The following SRFBP1 variants were observed in gnomAD, a reference collection of about 807,000 sequenced individuals.
The protein encoded by SRFBP1 is serum response factor binding protein 1, also known as serum response factor-binding protein 1.
SRFBP1 carries 47 observed loss-of-function variants against 45.5 expected under a neutral mutation model. That is an observed-to-expected ratio of 1.03 (90% CI 0.82 to 1.32). The LOEUF (loss-of-function observed/expected upper bound fraction) is 1.32. Among genes scored for constraint, SRFBP1 ranks in the 40% most tolerant of loss-of-function variants. SRFBP1 has a pLI of 0.00. For synonymous variants in SRFBP1, 203 were observed against 166.3 expected, an observed-to-expected ratio of 1.22 and a Z score of -1.70; for missense variants, 621 against 484.6, an observed-to-expected ratio of 1.28 and a Z score of -2.64.
At chr5:122,076,416 G>C (rs1386886592), downstream of SRFBP1, among the ~76,000 whole-genome samples, 2 of 152,168 alleles carry the variant, frequency 1.3e-5, no homozygotes, top group Non-Finnish European at 2.9e-5. Flanking sequence ...TCTGGCTGAA[G>C]TAATACCAAA....
At chr5:121,968,671 G>T (rs1405096831) in intron 1 of SRFBP1, among the ~76,000 whole-genome samples, 12 of 152,054 alleles carry the variant, frequency 7.9e-5, no homozygotes, top group Admixed American at 7.2e-4. Flanking sequence ...TGTGTCTTCT[G>T]AATAGATTCC....
chr5:122,045,039 G>C (rs1753833998), intron 2 of SRFBP1, among the ~76,000 whole-genome samples: 1 of 152,102 alleles, frequency 6.6e-6, no homozygotes, highest in Admixed American at 6.5e-5. Context: ...TTTTGTATCT[G>C]GTGTAAGGTA....
At chr5:121,966,761 T>A (rs776360546) in intron 1 of SRFBP1, among the ~76,000 whole-genome samples, 27 of 150,582 alleles carry the variant, frequency 1.8e-4, no homozygotes, top group Admixed American at 3.9e-4. Flanking sequence ...ACTGACATTT[T>A]ATTTTTTTTT....
intron 2 of SRFBP1, chr5:122,063,705 A>C (rs1754226691): frequency 6.6e-6 from 1 of 151,950 alleles, no homozygotes; most frequent in Non-Finnish European, 1.5e-5. Context: ...ATCAAAACAC[A>C]TTATTTTTAA....
Position 122,027,210 on chromosome 5 carries a change from G to T in SRFBP1, c.*84G>T. On this transcript the variant is annotated 3_prime_UTR_variant, in exon 8 of 8. Coordinates refer to ENST00000339397, the MANE Select transcript of SRFBP1 (RefSeq NM_152546.3). ...GGATCTCATTCTGTTGCCCAGACTA[G>T]AGTACAATATTGCAATCACAGCTCA... is the stretch of plus-strand genomic sequence containing the variant. 8.8e-7 allele frequency: 1 copy of T among 1,136,060 alleles called. No homozygotes were observed. Among genetic ancestry groups the T allele is most frequent in the East Asian group, 2.6e-5 (1 of 38,744 alleles). 70.4% of individuals were successfully genotyped at this position (1,136,060 alleles called of 1,614,324 possible).
chr5:122,043,458 C>T (rs1403215391), intron 2 of SRFBP1, among the ~76,000 whole-genome samples: 5 of 152,228 alleles, frequency 3.3e-5, no homozygotes, highest in East Asian at 1.9e-4. Flanking sequence ...TCAAGTGATC[C>T]GCCCACTTCA....
chr5:122,034,844 A>G (rs1417668729), intron 2 of SRFBP1, among the ~76,000 whole-genome samples: 1 of 151,440 alleles, frequency 6.6e-6, no homozygotes, highest in Admixed American at 6.6e-5. Flanking sequence ...TATTTTTGAT[A>G]CTTAAAAGAA....
At chr5:122,016,462 A>G (rs764009409) in intron 4 of SRFBP1, among the ~76,000 whole-genome samples, 33 of 152,208 alleles carry the variant, frequency 2.2e-4, no homozygotes, top group Non-Finnish European at 4.0e-4. Context: ...GTCTGAAACC[A>G]TTGTGATCTG....
intron 2 of SRFBP1, chr5:122,066,540 A>G: frequency 4.0e-6 from 2 of 499,638 alleles, no homozygotes; most frequent in Admixed American, 6.6e-5. Context: ...AATAATAAAC[A>G]TTAAAAATTT....
chr5:122,066,610 G>A, intron 2 of SRFBP1: 1 of 705,496 alleles, frequency 1.4e-6, no homozygotes, highest in Non-Finnish European at 2.4e-6. Flanking sequence ...ATTGAAAACA[G>A]TCCAAACAAA....
intron 2 of SRFBP1, among the ~76,000 whole-genome samples, chr5:122,034,625 G>A (rs1344545221): frequency 2.6e-5 from 4 of 151,668 alleles, no homozygotes; most frequent in African/African-American, 9.7e-5. Context: ...AAAACAAATA[G>A]CATTATCATA....
intron 3 of SRFBP1, among the ~76,000 whole-genome samples, chr5:121,991,356 A>T (rs933645593): frequency 2.6e-5 from 4 of 152,190 alleles, no homozygotes; most frequent in African/African-American, 9.7e-5. Flanking sequence ...TCCCTTAAAA[A>T]ATAGATATTG....
At chr5:122,075,073 G>C (rs1210545880) in intron 2 of SRFBP1, among the ~76,000 whole-genome samples, 1 of 152,184 alleles carries the variant, frequency 6.6e-6, no homozygotes, top group Non-Finnish European at 1.5e-5. Context: ...TTTATGAAAT[G>C]CTATTTAATG....
At chr5:121,984,495 CTTTCTGTGAAA>C (rs937102164) in intron 3 of SRFBP1, among the ~76,000 whole-genome samples, 4 of 151,702 alleles carry the variant, frequency 2.6e-5, no homozygotes, top group East Asian at 1.9e-4. Flanking sequence ...ACATAGAAGG[CTTTCTGTGAAA>C]TTTCTGTGAC....
chr5:122,047,451 C>T (rs1424655399), intron 2 of SRFBP1, among the ~76,000 whole-genome samples: 2 of 152,110 alleles, frequency 1.3e-5, no homozygotes, highest in Non-Finnish European at 2.9e-5. Context: ...TTGCTGTAGC[C>T]TTGTAGTATA....
chr5:121,983,518 G>C (rs1173495533), intron 3 of SRFBP1, among the ~76,000 whole-genome samples: 1 of 151,658 alleles, frequency 6.6e-6, no homozygotes, highest in African/African-American at 2.4e-5. Context: ...GTGAGAGATA[G>C]GACTGTATGG....
intron 3 of SRFBP1, among the ~76,000 whole-genome samples, chr5:121,985,516 AAAT>A (rs1297742320): frequency 1.3e-5 from 2 of 151,856 alleles, no homozygotes; most frequent in Non-Finnish European, 2.9e-5. Context: ...AGGTAATAGA[AAAT>A]AATAAACTTG....
At chr5:121,994,147 A>T (rs1017300281) in intron 3 of SRFBP1, among the ~76,000 whole-genome samples, 2 of 151,934 alleles carry the variant, frequency 1.3e-5, no homozygotes, top group African/African-American at 2.4e-5. Context: ...CCTTTATTTC[A>T]TGAAGTTTCT....
intron 1 of SRFBP1, among the ~76,000 whole-genome samples, chr5:121,970,585 G>T (rs1752167810): frequency 6.7e-6 from 1 of 149,336 alleles, no homozygotes; most frequent in African/African-American, 2.5e-5. Context: ...TTTCATTTAT[G>T]CAAAGTATGA....
Sources: allele counts gnomAD v4.1 joint callset (sites outside exome capture counted in the v4.1 genomes callset), GRCh38; gene constraint gnomAD v4.1.1; transcripts MANE v1.5; gene names NCBI Gene and HGNC (gene_info 2026-07-23, HGNC 2026-07-21).